The following RFPL2 variants were observed in gnomAD, a reference collection of about 807,000 sequenced individuals.
RFPL2 encodes ret finger protein like 2.
RFPL2 carries 13 observed loss-of-function variants against 17.8 expected under a neutral mutation model. The observed-to-expected ratio is 0.73, with a 90% confidence interval of 0.47 to 1.16. The LOEUF (loss-of-function observed/expected upper bound fraction) is 1.16. RFPL2 is among the 50% of genes most tolerant of loss of function. The probability of loss-of-function intolerance (pLI) is 0.00; values close to 1 mark genes in which losing one functional copy is unlikely to be tolerated. For missense variants in RFPL2, 431 were observed against 479.3 expected, an observed-to-expected ratio of 0.90 and a Z score of 0.94; for synonymous variants, 189 against 180.9, an observed-to-expected ratio of 1.04 and a Z score of -0.36.
intron 2 of RFPL2, chr22:32,200,098 A>G (rs935065269): frequency 2.4e-6 from 1 of 415,252 alleles, no homozygotes; most frequent in African/African-American, 2.1e-5. Flanking sequence ...GCCTCCAAAC[A>G]GAGCAACAAG....
intron 2 of RFPL2, among the ~76,000 whole-genome samples, chr22:32,197,676 C>T (rs62239006): frequency 0.054 from 8,158 of 152,196 alleles, 278 homozygotes; most frequent in Non-Finnish European, 0.082. Context: ...TCTGTCCTTG[C>T]GTTGGTTTGC....
In RFPL2 at chr22:32,190,573, G is replaced by A. The variant is rs1254732232; in HGVS notation, c.*199C>T. The A allele has an allele frequency of 4.3e-6, 2 of 469,452 alleles. No individual in the cohort carries two copies. Among genetic ancestry groups the A allele is most frequent in the Non-Finnish European group, 7.2e-6 (2 of 276,474 alleles). The allele number at this position is 469,452 out of a possible 1,614,324, so 29.1% of individuals were successfully genotyped here. On this transcript the variant is annotated 3_prime_UTR_variant, in exon 5 of 5. Transcript: ENST00000652607. ...TATAGGAAACAAGATGTGAACCATA[G>A]GACTCAATGAGTTTGATGGTGGCAA... is the stretch of plus-strand genomic sequence containing the variant.
At chr22:32,202,842 G>T (rs1924083393) in intron 1 of RFPL2, 1 of 1,052,692 alleles carries the variant, frequency 9.5e-7, no homozygotes, top group Non-Finnish European at 1.1e-6. Context: ...GCCGGTTCCC[G>T]TTCCTGATGC....
rs374107371 is a variant in RFPL2 at position 32,204,801 on chromosome 22, T to C, written c.-194A>G. Reference sequence around the variant, plus strand: ...ACCGAGGTTATGCAAGTAAGGTTTCTGGACTACATGTTCAGATTGGATGAG... The same window carrying C: ...ACCGAGGTTATGCAAGTAAGGTTTCCGGACTACATGTTCAGATTGGATGAG... On this transcript the variant is annotated 5_prime_UTR_variant, in exon 1 of 5. Transcript: ENST00000652607. Among the ~76,000 whole-genome samples the C allele has an allele frequency of 1.8e-4, 28 of 152,376 alleles. No individual in the cohort carries two copies. In the East Asian group the frequency reaches 2.9e-3, roughly 16 times the overall value.
In RFPL2 at chr22:32,192,918, C is replaced by T. The variant is rs1462763547; in HGVS notation, c.540G>A (p.Arg180=). Residue 180 remains arginine, a synonymous_variant, in exon 4 of 5, where the codon AGG becomes AGA. Transcript: ENST00000652607. ...ATGCCTTACCTTGGAACTTCCGCAT[C>T]CTTGGGTTCATCTGCAGAATCTTCT... ...KLKKILQMNP[R]MRKFQVDMTL... The T allele has an allele frequency of 1.2e-6, 2 of 1,613,052 alleles. No homozygotes were observed. Among genetic ancestry groups the T allele is most frequent in the East Asian group, 2.2e-5 (1 of 44,886 alleles).
At chr22:32,194,993 C>T (rs1923166993) in intron 2 of RFPL2, among the ~76,000 whole-genome samples, 1 of 151,874 alleles carries the variant, frequency 6.6e-6, no homozygotes. Context: ...ATAAAAGTCA[C>T]AATTTAAAAA....
intron 1 of RFPL2, 28 bp from the exon 2 acceptor site, chr22:32,202,578 T>C (rs1924045631): frequency 1.4e-6 from 2 of 1,457,564 alleles, no homozygotes; most frequent in East Asian, 2.5e-5. Context: ...GTGGTAACAT[T>C]AGAGCGCACC....
At chr22:32,203,412 C>T (rs1924168900) in intron 1 of RFPL2, 2 of 152,160 alleles carry the variant, frequency 1.3e-5, no homozygotes, top group South Asian at 2.1e-4. Context: ...AAACGCCTCC[C>T]GCCACCGGCG....
chr22:32,194,832 G>A (rs1233542344), intron 2 of RFPL2, among the ~76,000 whole-genome samples: 1 of 152,186 alleles, frequency 6.6e-6, no homozygotes, highest in Non-Finnish European at 1.5e-5. Context: ...GCATTCCATT[G>A]AGGAAATTCT....
intron 2 of RFPL2, among the ~76,000 whole-genome samples, chr22:32,198,499 G>A (rs1183076508): frequency 6.6e-6 from 1 of 151,840 alleles, no homozygotes; most frequent in South Asian, 2.1e-4. Context: ...GGGGGGCGTA[G>A]GGGGTCCTAG....
intron 4 of RFPL2, 50 bp from the exon 5 acceptor site, chr22:32,191,402 AT>A: frequency 6.4e-7 from 1 of 1,555,096 alleles, no homozygotes; most frequent in Non-Finnish European, 8.7e-7. Flanking sequence ...AACCAACCCT[AT>A]GCCTCTCTTC....
intron 2 of RFPL2, among the ~76,000 whole-genome samples, chr22:32,197,004 C>A (rs1923403514): frequency 6.6e-6 from 1 of 152,060 alleles, no homozygotes; most frequent in African/African-American, 2.4e-5. Context: ...TATCTTGTAC[C>A]AAGCAGAAAA....
At chr22:32,195,384 G>GTACATATTATGGCACACA (rs1923208773) in intron 2 of RFPL2, among the ~76,000 whole-genome samples, 1 of 152,122 alleles carries the variant, frequency 6.6e-6, no homozygotes, top group African/African-American at 2.4e-5. Context: ...ATGGCACACA[G>GTACATATTATGGCACACA]TAATATTTTG....
intron 2 of RFPL2, among the ~76,000 whole-genome samples, chr22:32,200,811 G>A (rs776097638): frequency 8.5e-5 from 13 of 152,088 alleles, no homozygotes; most frequent in African/African-American, 3.1e-4. Context: ...AGCCCTGAAA[G>A]CCGGGCTGTC....
In RFPL2 at chr22:32,194,330, C is replaced by T. The variant is rs767869021; in HGVS notation, c.265+15G>A. The T allele has an allele frequency of 8.2e-6, 13 of 1,593,972 alleles. No homozygotes were observed. In the East Asian group the frequency reaches 3.0e-4, roughly 37 times the overall value. On this transcript the variant is annotated intron_variant, in intron 3 of 4. Transcript: ENST00000652607. Reference sequence around the variant, plus strand: ...GCATCTAAGAGGAAAAACACACACACAGGCATGGGCTCACCTCTTCTGCTG... The same window carrying T: ...GCATCTAAGAGGAAAAACACACACATAGGCATGGGCTCACCTCTTCTGCTG...
chr22:32,201,193 A>G (rs1923885244), intron 2 of RFPL2, among the ~76,000 whole-genome samples: 1 of 151,714 alleles, frequency 6.6e-6, no homozygotes, highest in African/African-American at 2.4e-5. Flanking sequence ...GCCCACCACC[A>G]CACCTGGCTA....
intron 2 of RFPL2, among the ~76,000 whole-genome samples, chr22:32,200,719 A>G (rs1421219254): frequency 6.6e-6 from 1 of 151,910 alleles, no homozygotes; most frequent in East Asian, 1.9e-4. Flanking sequence ...CTGTTTCTTT[A>G]GTCTTGAAAT....
At position 32,202,337 on chromosome 22, in the gene RFPL2, G is replaced by C. The variant is rs776907302; in HGVS notation, c.115C>G (p.Leu39Val). The C allele has an allele frequency of 6.3e-7, 1 of 1,596,730 alleles. No individual in the cohort carries two copies. The highest frequency in any genetic ancestry group is 1.7e-5 in the Admixed American group (1 of 57,536). ...AAACCCAGAATTGTCTCTCACCTCA[G>C]GCTCCTTATCACCATCATGTCTGCA... ...DFADMMVIRS[L>V]SLIRLEGVEG... The change falls in exon 2 of 5, where the codon CTG (leucine) becomes GTG (valine). Residue 39 changes from leucine to valine, a missense_variant. Transcript: ENST00000652607.
chr22:32,199,764 G>A (rs544758608), intron 2 of RFPL2, among the ~76,000 whole-genome samples: 1 of 152,196 alleles, frequency 6.6e-6, no homozygotes, highest in Non-Finnish European at 1.5e-5. Flanking sequence ...TTTGTTTTAG[G>A]AACATTGTGT....
Sources: gnomAD v4.1 joint callset for allele counts (sites outside exome capture counted in the v4.1 genomes callset) on GRCh38, gnomAD v4.1.1 for gene constraint, MANE v1.5 for transcripts, NCBI Gene and HGNC (gene_info 2026-07-23, HGNC 2026-07-21) for gene names.